SLC2A13: variants seen among roughly 807,000 people sequenced by gnomAD.
SLC2A13 encodes proton myo-inositol cotransporter.
In SLC2A13, 32 loss-of-function variants were observed where a neutral mutation model predicts 64.4. The ratio of observed to expected loss-of-function variants is 0.50; its 90% CI spans 0.37 to 0.67. The LOEUF is 0.67. Among genes scored for constraint, SLC2A13 ranks in the 30% least tolerant of loss-of-function variants. The pLI, the probability that SLC2A13 is intolerant of heterozygous loss-of-function variation, is 0.00. For synonymous variants in SLC2A13, 338 were observed against 327.1 expected, an observed-to-expected ratio of 1.03 and a Z score of -0.36; for missense variants, 743 against 829.2, an observed-to-expected ratio of 0.90 and a Z score of 1.28.
At chr12:39,889,683 C>T (rs1944554887) in intron 4 of SLC2A13, among the ~76,000 whole-genome samples, 1 of 151,876 alleles carries the variant, frequency 6.6e-6, no homozygotes, top group African/African-American at 2.4e-5. Context: ...CAGGTGCCCA[C>T]CACCACGCCC....
At chr12:39,911,549 T>C (rs1945431231) in intron 4 of SLC2A13, among the ~76,000 whole-genome samples, 1 of 152,206 alleles carries the variant, frequency 6.6e-6, no homozygotes, top group Non-Finnish European at 1.5e-5. Flanking sequence ...TACCCTTCCT[T>C]GGCTTTTGTT....
intron 1 of SLC2A13, among the ~76,000 whole-genome samples, chr12:40,076,483 A>G (rs148466798): frequency 2.0e-5 from 3 of 152,262 alleles, no homozygotes; most frequent in African/African-American, 7.2e-5. Flanking sequence ...TGGAAAGGAC[A>G]TGATCTGATT....
At position 39,758,951 on chromosome 12, in the gene SLC2A13, A is replaced by AT. The variant is rs1202620773; in HGVS notation, c.*1074dup. Reference sequence around the variant, plus strand: ...AAAAAGTTAAGAAAAAAGTCCCATTATTTTTATTAAACAAACACCAATAAC... The same window carrying AT: ...AAAAAGTTAAGAAAAAAGTCCCATTATTTTTTATTAAACAAACACCAATAAC... On this transcript the variant is annotated 3_prime_UTR_variant, in exon 10 of 10. Transcript: ENST00000280871. 6.6e-6 allele frequency: 1 copy of AT among 152,320 alleles called. No individual in the cohort carries two copies. Among genetic ancestry groups the AT allele is most frequent in the Non-Finnish European group, 1.5e-5 (1 of 67,908 alleles). The allele number at this position is 152,320 out of a possible 1,614,324, so 9.4% of individuals were successfully genotyped here. A position where few individuals can be genotyped will look rare whatever the true frequency, so the allele number is the denominator to read the frequency against.
At position 39,833,188 on chromosome 12, in the gene SLC2A13, T is replaced by A. The variant is rs191780328; in HGVS notation, c.1320-2960A>T. On this transcript the variant is annotated intron_variant, in intron 6 of 9. Coordinates refer to ENST00000280871, the MANE Select transcript of SLC2A13 (RefSeq NM_052885.4). ...GCCATGTCCATTTCTTTACTTATTG[T>A]TTATGACTGCCTTCATGCTTTAAGG... Among the ~76,000 whole-genome samples the A allele has an allele frequency of 3.8e-3, 583 of 152,242 alleles. 5 individuals carry two copies. Among genetic ancestry groups the A allele is most frequent in the Non-Finnish European group, 5.9e-3 (400 of 67,996 alleles).
intron 1 of SLC2A13, among the ~76,000 whole-genome samples, chr12:40,098,160 G>A (rs756893649): frequency 6.6e-5 from 10 of 151,904 alleles, no homozygotes; most frequent in Non-Finnish European, 1.0e-4. Context: ...TATACACAAT[G>A]GAATATTATG....
intron 3 of SLC2A13, among the ~76,000 whole-genome samples, chr12:39,961,991 T>C (rs1288401029): frequency 6.6e-6 from 1 of 152,130 alleles, no homozygotes; most frequent in African/African-American, 2.4e-5. Flanking sequence ...AAATATGGGG[T>C]GTTTACTTAA....
At chr12:39,885,204 G>A (rs898706601) in intron 4 of SLC2A13, among the ~76,000 whole-genome samples, 1 of 152,202 alleles carries the variant, frequency 6.6e-6, no homozygotes, top group Non-Finnish European at 1.5e-5. Context: ...GAGCTAGGAA[G>A]GCCAACAGGA....
chr12:39,848,169 T>C (rs1441791288), intron 6 of SLC2A13, among the ~76,000 whole-genome samples: 1 of 152,012 alleles, frequency 6.6e-6, no homozygotes, highest in Non-Finnish European at 1.5e-5. Context: ...AAAACAAAAA[T>C]TGACAAGTGG....
chr12:39,851,241 TATTTC>T (rs1289097018), intron 6 of SLC2A13, among the ~76,000 whole-genome samples: 1 of 152,166 alleles, frequency 6.6e-6, no homozygotes, highest in Admixed American at 6.6e-5. Flanking sequence ...TTAAAATAAA[TATTTC>T]ATTTGTTTCC....
intron 1 of SLC2A13, among the ~76,000 whole-genome samples, chr12:40,052,688 C>A (rs954267410): frequency 1.6e-4 from 24 of 152,132 alleles, no homozygotes; most frequent in African/African-American, 5.8e-4. Flanking sequence ...GACTATATTT[C>A]TTCAAATGCA....
intron 5 of SLC2A13, among the ~76,000 whole-genome samples, chr12:39,871,501 A>AT (rs1566888429): frequency 1.7e-5 from 2 of 120,488 alleles, no homozygotes; most frequent in Non-Finnish European, 4.0e-5. Flanking sequence ...AAAAACAATT[A>AT]TTTTTTTTCA....
At position 40,059,691 on chromosome 12, in the gene SLC2A13, A is replaced by C. The variant is rs183506932; in HGVS notation, c.557-11481T>G. Among the ~76,000 whole-genome samples, 410 of 152,174 alleles carry C rather than the reference A, an allele frequency of 2.7e-3. 2 individuals are homozygous for C. Among genetic ancestry groups the C allele is most frequent in the African/African-American group, 9.2e-3 (384 of 41,514 alleles). ...CTAGTTTCCTGGGCCTTTTATGGAG[A>C]CTTCATTGAAAAGGCATGATTGAAG... is the stretch of plus-strand genomic sequence containing the variant. On this transcript the variant is annotated intron_variant, in intron 1 of 9. Coordinates refer to ENST00000280871, the MANE Select transcript of SLC2A13 (RefSeq NM_052885.4).
chr12:40,064,137 C>T (rs950532126), intron 1 of SLC2A13, among the ~76,000 whole-genome samples: 8 of 152,058 alleles, frequency 5.3e-5, no homozygotes, highest in Non-Finnish European at 7.4e-5. Flanking sequence ...CCCAGCTACT[C>T]AGGCAGCTGT....
chr12:40,080,198 AT>A (rs35661917), intron 1 of SLC2A13, among the ~76,000 whole-genome samples: 133,362 of 152,116 alleles, frequency 0.88, 58,578 homozygotes, highest in East Asian at 0.95. Context: ...CTTAAAGTCT[AT>A]TTTTTTCTAA....
chr12:39,792,310 C>T (rs538268414), intron 7 of SLC2A13, among the ~76,000 whole-genome samples: 194 of 150,160 alleles, frequency 1.3e-3, no homozygotes, highest in African/African-American at 4.1e-3. Flanking sequence ...AGGACACAGG[C>T]GTGGGCAAGG....
At chr12:40,005,029 C>G (rs1947392036) in intron 3 of SLC2A13, among the ~76,000 whole-genome samples, 1 of 152,086 alleles carries the variant, frequency 6.6e-6, no homozygotes, top group Non-Finnish European at 1.5e-5. Flanking sequence ...CCTGTAAGTT[C>G]AAACCCATGT....
intron 4 of SLC2A13, among the ~76,000 whole-genome samples, chr12:39,888,089 T>C (rs960206049): frequency 6.6e-6 from 1 of 152,240 alleles, no homozygotes; most frequent in African/African-American, 2.4e-5. Flanking sequence ...CAATAAGCCA[T>C]GGAGGATCCA....
At position 39,756,364 on chromosome 12, in the gene SLC2A13, A is replaced by T. The variant is rs187857151; in HGVS notation, c.*3662T>A. 1 of 152,054 alleles carries T rather than the reference A, an allele frequency of 6.6e-6. No individual in the cohort carries two copies. Among genetic ancestry groups the T allele is most frequent in the African/African-American group, 2.4e-5 (1 of 41,554 alleles). 9.4% of individuals were successfully genotyped at this position (152,054 alleles called of 1,614,324 possible). ...TTGGTAATTAAAAACTTGTCACAACAAGTGAATAAAAGTCAGTTGTTAGGT... is the reference window on the plus strand; with the variant it reads ...TTGGTAATTAAAAACTTGTCACAACTAGTGAATAAAAGTCAGTTGTTAGGT... On this transcript the variant is annotated 3_prime_UTR_variant, in exon 10 of 10. Transcript: ENST00000280871.
Position 39,830,214 on chromosome 12 carries a change from C to T in SLC2A13, c.1334G>A (p.Cys445Tyr). The T allele has an allele frequency of 6.2e-7, 1 of 1,613,126 alleles. No individual in the cohort carries two copies. Among genetic ancestry groups the T allele is most frequent in the Non-Finnish European group, 8.5e-7 (1 of 1,179,414 alleles). Residue 445 changes from cysteine to tyrosine, a missense_variant, in exon 7 of 10, where the codon TGT becomes TAT. Physicochemically the swap from Cys to Tyr is radical, Grantham distance 194. Around this residue, in one of 2 missense-constraint regions of SLC2A13, gnomAD observed 295 missense variants for 381.7 expected, o/e 0.77. Coordinates refer to ENST00000280871, the MANE Select transcript of SLC2A13 (RefSeq NM_052885.4). Reference protein sequence around the residue: ...TCTRYSYCNECMLDPDCGFCY... With the variant: ...TCTRYSYCNEYMLDPDCGFCY... ...GAAACCGCAGTCTGGATCCAACATA[C>T]ATTCATTACAGTAACTGAAAAATGA...
Sources: allele counts gnomAD v4.1 joint callset (sites outside exome capture counted in the v4.1 genomes callset), GRCh38; gene constraint gnomAD v4.1.1; regional missense constraint gnomAD v4.1.1; transcripts MANE v1.5; gene names NCBI Gene and HGNC (gene_info 2026-07-23, HGNC 2026-07-21).